The following ERC2 variants were observed in gnomAD, a reference collection of about 807,000 sequenced individuals.
The protein encoded by ERC2 is ELKS/RAB6-interacting/CAST family member 2.
ERC2 carries 42 observed loss-of-function variants against 114.8 expected under a neutral mutation model. That is an observed-to-expected ratio of 0.37 (90% CI 0.29 to 0.47). ERC2 has a LOEUF of 0.47. ERC2 is among the 20% of genes least tolerant of loss of function. ERC2 has a pLI of 0.99. For synonymous variants in ERC2, 454 were observed against 425.5 expected (o/e 1.07, Z -0.82); for missense variants, 939 against 1,150.7 (o/e 0.82, Z 2.66).
intron 17 of ERC2, among the ~76,000 whole-genome samples, chr3:55,554,735 C>G (rs542671850): frequency 5.3e-5 from 8 of 152,322 alleles, no homozygotes; most frequent in East Asian, 3.9e-4. Flanking sequence ...CCCCCTCCCC[C>G]CTTCCCCGTG....
intron 14 of ERC2, among the ~76,000 whole-genome samples, chr3:55,766,023 G>T (rs2067757755): frequency 6.6e-6 from 1 of 152,188 alleles, no homozygotes; most frequent in Non-Finnish European, 1.5e-5. Context: ...ATCTGCTGAG[G>T]CTCAGAACCC....
chr3:56,290,716 G>A (rs1038508486), intron 3 of ERC2, among the ~76,000 whole-genome samples: 19 of 152,316 alleles, frequency 1.2e-4, no homozygotes, highest in African/African-American at 4.6e-4. Flanking sequence ...GTAAAGGTCT[G>A]AAAGCTTAAG....
chr3:55,732,063 C>T (rs1436420111), intron 15 of ERC2, among the ~76,000 whole-genome samples: 1 of 152,072 alleles, frequency 6.6e-6, no homozygotes, highest in Non-Finnish European at 1.5e-5. Flanking sequence ...AACCCCATCA[C>T]TTACAAGCTG....
chr3:56,211,547 G>A (rs1281508547), intron 3 of ERC2, among the ~76,000 whole-genome samples: 1 of 151,804 alleles, frequency 6.6e-6, no homozygotes, highest in Non-Finnish European at 1.5e-5. Flanking sequence ...CAAATTCAAT[G>A]CAATTCCCAT....
chr3:55,943,276 C>T (rs892618687), intron 13 of ERC2, among the ~76,000 whole-genome samples: 2 of 152,104 alleles, frequency 1.3e-5, no homozygotes, highest in Admixed American at 1.3e-4. Flanking sequence ...CTTTTGCTTT[C>T]AATGTTTGGG....
intron 17 of ERC2, among the ~76,000 whole-genome samples, chr3:55,538,572 C>T (rs2054154605): frequency 6.6e-6 from 1 of 152,172 alleles, no homozygotes; most frequent in African/African-American, 2.4e-5. Context: ...TGTTGAACGG[C>T]ATTGCGTGCT....
At chr3:55,704,383 GA>G (rs905160592) in intron 15 of ERC2, among the ~76,000 whole-genome samples, 17 of 152,112 alleles carry the variant, frequency 1.1e-4, no homozygotes, top group Non-Finnish European at 2.4e-4. Context: ...GGTTTAAATA[GA>G]AAAAAATATA....
chr3:56,098,086 A>C (rs2078159636), intron 6 of ERC2, among the ~76,000 whole-genome samples: 1 of 152,192 alleles, frequency 6.6e-6, no homozygotes, highest in South Asian at 2.1e-4. Flanking sequence ...TCTAAAAGGA[A>C]ATACTGTCTG....
intron 17 of ERC2, among the ~76,000 whole-genome samples, chr3:55,594,822 T>C (rs192583714): frequency 4.6e-5 from 7 of 152,230 alleles, no homozygotes; most frequent in African/African-American, 1.7e-4. Context: ...CTTCTTGAGT[T>C]CTTTGATTAC....
intron 3 of ERC2, among the ~76,000 whole-genome samples, chr3:56,252,976 C>T (rs1018825456): frequency 6.6e-5 from 10 of 152,160 alleles, no homozygotes; most frequent in Admixed American, 3.9e-4. Context: ...CCTATGGAGA[C>T]GTCAGCTATG....
Position 55,508,440 on chromosome 3 carries a change from C to A in ERC2, c.*2876G>T, listed in dbSNP as rs895970744. The stretch of plus-strand genomic sequence containing the variant: ...CATTGTTCTACTAGACACGAGGTTA[C>A]AATGACTGGCTAATACATGCCCACT... On this transcript the variant is annotated 3_prime_UTR_variant, in exon 18 of 18. Transcript: ENST00000288221. 1.3e-5 allele frequency: 2 copies of A among 152,640 alleles called. No homozygotes were observed. Among genetic ancestry groups the A allele is most frequent in the Admixed American group, 1.3e-4 (2 of 15,282 alleles). The allele number at this position is 152,640 out of a possible 1,614,324, so 9.5% of individuals were successfully genotyped here.
At chr3:55,783,399 T>C (rs2069220156) in intron 14 of ERC2, among the ~76,000 whole-genome samples, 1 of 152,234 alleles carries the variant, frequency 6.6e-6, no homozygotes, top group African/African-American at 2.4e-5. Flanking sequence ...GCAATGTGCC[T>C]AGATTGTTAT....
intron 12 of ERC2, among the ~76,000 whole-genome samples, chr3:55,951,374 G>A (rs532717777): frequency 6.6e-6 from 1 of 152,276 alleles, no homozygotes; most frequent in East Asian, 1.9e-4. Context: ...TAATCATAAT[G>A]TTAAATAAAG....
At chr3:56,357,295 A>T (rs1215489860) in intron 2 of ERC2, among the ~76,000 whole-genome samples, 2 of 152,260 alleles carry the variant, frequency 1.3e-5, no homozygotes, top group Non-Finnish European at 1.5e-5. Context: ...CTTCCCAAAG[A>T]CCTCACAACA....
intron 7 of ERC2, among the ~76,000 whole-genome samples, chr3:56,032,232 A>G (rs2074417604): frequency 6.6e-6 from 1 of 152,234 alleles, no homozygotes; most frequent in African/African-American, 2.4e-5. Flanking sequence ...TTTCCTTTAT[A>G]AATTCCTGAG....
intron 13 of ERC2, among the ~76,000 whole-genome samples, chr3:55,904,635 A>G (rs879380464): frequency 1.4e-4 from 22 of 152,160 alleles, no homozygotes; most frequent in Admixed American, 3.9e-4. Context: ...AGAAACCATC[A>G]TGAACATGTT....
At chr3:56,196,351 A>G (rs1345977582) in intron 3 of ERC2, among the ~76,000 whole-genome samples, 1 of 152,222 alleles carries the variant, frequency 6.6e-6, no homozygotes, top group Non-Finnish European at 1.5e-5. Flanking sequence ...TGATCTTGAG[A>G]GGAAAAGCAC....
chr3:56,215,344 T>G (rs1262390898), intron 3 of ERC2, among the ~76,000 whole-genome samples: 1 of 152,202 alleles, frequency 6.6e-6, no homozygotes, highest in East Asian at 1.9e-4. Context: ...GTTGCAATCC[T>G]AGTCTCTGAT....
chr3:55,834,348 A>G (rs2060770761), intron 14 of ERC2, among the ~76,000 whole-genome samples: 1 of 152,156 alleles, frequency 6.6e-6, no homozygotes, highest in Non-Finnish European at 1.5e-5. Flanking sequence ...AAAATTGACC[A>G]CACAGTTGGA....
Sources: gnomAD v4.1 joint callset for allele counts (sites outside exome capture counted in the v4.1 genomes callset) on GRCh38, gnomAD v4.1.1 for gene constraint, MANE v1.5 for transcripts, NCBI Gene and HGNC (gene_info 2026-07-23, HGNC 2026-07-21) for gene names.